The following SORT1 variants were observed in gnomAD, a reference collection of about 807,000 sequenced individuals.
SORT1 encodes the protein sortilin 1.
A neutral mutation model predicts 101.7 loss-of-function variants in SORT1; 39 were observed. That is an observed-to-expected ratio of 0.38 (90% CI 0.30 to 0.50). The LOEUF (loss-of-function observed/expected upper bound fraction) is 0.50. Among genes scored for constraint, SORT1 ranks in the 20% least tolerant of loss-of-function variants. The probability of loss-of-function intolerance (pLI) is 0.90; values close to 1 mark genes in which losing one functional copy is unlikely to be tolerated. For missense variants in SORT1, 878 were observed against 1,040.4 expected, an observed-to-expected ratio of 0.84 and a Z score of 2.15; for synonymous variants, 396 against 393.7, an observed-to-expected ratio of 1.01 and a Z score of -0.07.
At chr1:109,391,274 T>C (rs1652902017) in intron 1 of SORT1, among the ~76,000 whole-genome samples, 2 of 152,144 alleles carry the variant, frequency 1.3e-5, no homozygotes, top group Non-Finnish European at 2.9e-5. Flanking sequence ...CTGGAGGTGG[T>C]AGTAAAACAC....
At chr1:109,361,007 C>T (rs959973784) in intron 3 of SORT1, among the ~76,000 whole-genome samples, 3 of 152,212 alleles carry the variant, frequency 2.0e-5, no homozygotes, top group African/African-American at 7.2e-5. Context: ...TACACCTATG[C>T]TAATCTCTTT....
At chr1:109,330,052 A>G (rs967964808) in intron 11 of SORT1, among the ~76,000 whole-genome samples, 2 of 152,112 alleles carry the variant, frequency 1.3e-5, no homozygotes, top group Admixed American at 6.6e-5. Context: ...CCTGGGCTGG[A>G]GTGCAGTGGC....
At chr1:109,323,144 AG>A in intron 14 of SORT1, 23 bp from the exon 15 acceptor site, 1 of 1,597,170 alleles carries the variant, frequency 6.3e-7, no homozygotes, top group South Asian at 1.1e-5. Context: ...CACACTGTTC[AG>A]GAAAGTACAC....
chr1:109,349,808 T>A (rs1167455943), intron 6 of SORT1, among the ~76,000 whole-genome samples: 1 of 152,134 alleles, frequency 6.6e-6, no homozygotes, highest in Admixed American at 6.6e-5. Flanking sequence ...CCTACTTTAT[T>A]TAAGCAATAT....
At chr1:109,382,435 C>G (rs552582579) in intron 1 of SORT1, among the ~76,000 whole-genome samples, 2 of 152,100 alleles carry the variant, frequency 1.3e-5, no homozygotes, top group African/African-American at 4.8e-5. Context: ...CACGCCTGGA[C>G]GCATGTTAGT....
chr1:109,369,788 A>G (rs1003827606), intron 1 of SORT1, among the ~76,000 whole-genome samples, 199 bp from the exon 2 acceptor site: 1 of 152,148 alleles, frequency 6.6e-6, no homozygotes, highest in Non-Finnish European at 1.5e-5. Flanking sequence ...GGAAATTTAA[A>G]TTCTCTCTAA....
chr1:109,373,510 A>G (rs542368985), intron 1 of SORT1, among the ~76,000 whole-genome samples: 1 of 152,330 alleles, frequency 6.6e-6, no homozygotes, highest in African/African-American at 2.4e-5. Flanking sequence ...GACCTCACAC[A>G]GGAACAGGAA....
At chr1:109,386,996 TA>T (rs1029768662) in intron 1 of SORT1, among the ~76,000 whole-genome samples, 3 of 152,164 alleles carry the variant, frequency 2.0e-5, no homozygotes, top group African/African-American at 7.2e-5. Flanking sequence ...TTATAGTCTT[TA>T]AAAAATAATT....
intron 5 of SORT1, among the ~76,000 whole-genome samples, chr1:109,353,442 G>A (rs1426043342): frequency 6.6e-6 from 1 of 151,094 alleles, no homozygotes; most frequent in Non-Finnish European, 1.5e-5. Flanking sequence ...CCAGAACCCA[G>A]ACCTCTCTTC....
intron 15 of SORT1, among the ~76,000 whole-genome samples, chr1:109,322,500 A>C (rs182118696): frequency 3.7e-4 from 57 of 152,234 alleles, no homozygotes; most frequent in African/African-American, 7.2e-4. Context: ...CCTTGATAAG[A>C]AGCAGCAGTT....
intron 16 of SORT1, 47 bp from the exon 17 acceptor site, chr1:109,317,005 TG>T (rs746564349): frequency 3.4e-6 from 4 of 1,185,838 alleles, no homozygotes; most frequent in Non-Finnish European, 2.5e-6. Context: ...GATGTATTCC[TG>T]GGTACCTGCC....
intron 3 of SORT1, among the ~76,000 whole-genome samples, chr1:109,365,080 A>C (rs140160146): frequency 2.8e-4 from 42 of 152,358 alleles, no homozygotes; most frequent in African/African-American, 9.9e-4. Context: ...GGGGAAGGTC[A>C]AGATAATAAA....
intron 3 of SORT1, among the ~76,000 whole-genome samples, chr1:109,357,797 T>C (rs1288276829): frequency 6.6e-6 from 1 of 152,234 alleles, no homozygotes; most frequent in Admixed American, 6.5e-5. Flanking sequence ...AATTCCTAGA[T>C]AAATGAAATA....
At chr1:109,380,803 C>T (rs547255977) in intron 1 of SORT1, among the ~76,000 whole-genome samples, 2 of 111,074 alleles carry the variant, frequency 1.8e-5, no homozygotes, top group East Asian at 5.7e-4. Context: ...ATGGCAAAAC[C>T]CTGTCGCCAC....
chr1:109,385,578 C>T (rs1332148930), intron 1 of SORT1, among the ~76,000 whole-genome samples: 10 of 152,236 alleles, frequency 6.6e-5, no homozygotes, highest in South Asian at 2.1e-4. Context: ...CTGACTGAGC[C>T]GAGAGAACCA....
At chr1:109,338,267 C>T (rs1461184760) in intron 10 of SORT1, among the ~76,000 whole-genome samples, 1 of 151,996 alleles carries the variant, frequency 6.6e-6, no homozygotes, top group Non-Finnish European at 1.5e-5. Flanking sequence ...TGCATGTGTA[C>T]CTGCTGTGTT....
rs1658829011 is a variant in SORT1, at chr1:109,313,253, G to A, written c.*790C>T. 6.6e-6 allele frequency: 1 copy of A among 152,634 alleles called. No individual in the cohort carries two copies. The highest frequency in any genetic ancestry group is 2.1e-4 in the South Asian group (1 of 4,830). The allele number at this position is 152,634 out of a possible 1,614,324, so 9.5% of individuals were successfully genotyped here. A position where few individuals can be genotyped will look rare whatever the true frequency, so the allele number is the denominator to read the frequency against. ...AAGCACAGCTTGAAAAATCTCAGAA[G>A]AAGCAAGAGTTCTCTTTTAATAGGT... On this transcript the variant is annotated 3_prime_UTR_variant, in exon 20 of 20. Coordinates refer to ENST00000256637, the MANE Select transcript of SORT1 (RefSeq NM_002959.7).
At chr1:109,323,522 G>T (rs1647780540) in intron 14 of SORT1, among the ~76,000 whole-genome samples, 1 of 152,216 alleles carries the variant, frequency 6.6e-6, no homozygotes. Flanking sequence ...GGAGCTCTTT[G>T]TTTAGGACAA....
intron 2 of SORT1, among the ~76,000 whole-genome samples, chr1:109,368,993 T>C (rs182929578): frequency 1.0e-3 from 156 of 152,304 alleles, no homozygotes; most frequent in African/African-American, 3.7e-3. Context: ...ACTGAAAAGG[T>C]GTCCATCTTC....
Sources: allele counts gnomAD v4.1 joint callset (sites outside exome capture counted in the v4.1 genomes callset), GRCh38; gene constraint gnomAD v4.1.1; transcripts MANE v1.5; gene names NCBI Gene and HGNC (gene_info 2026-07-23, HGNC 2026-07-21).